ZFHX4: variants seen among roughly 807,000 people sequenced by gnomAD.
The protein encoded by ZFHX4 is zinc finger homeobox protein 4.
ZFHX4 carries 56 observed loss-of-function variants against 267.6 expected under a neutral mutation model. That is an observed-to-expected ratio of 0.21 (90% CI 0.17 to 0.26). The LOEUF (loss-of-function observed/expected upper bound fraction) is 0.26. ZFHX4 is among the 10% of genes least tolerant of loss of function. The pLI is 1.00. For synonymous variants in ZFHX4, 1,778 were observed against 1,665.6 expected, an observed-to-expected ratio of 1.07 and a Z score of -1.64; for missense variants, 4,332 against 4,420.0, an observed-to-expected ratio of 0.98 and a Z score of 0.56.
chr8:76,793,575 A>G (rs866427456), intron 4 of ZFHX4, among the ~76,000 whole-genome samples: 3 of 152,284 alleles, frequency 2.0e-5, no homozygotes, highest in Non-Finnish European at 1.5e-5. Flanking sequence ...GAATTTGGGG[A>G]TGTATATTGG....
intron 1 of ZFHX4, among the ~76,000 whole-genome samples, chr8:76,681,923 T>C (rs1452271965): frequency 1.1e-4 from 16 of 152,102 alleles, no homozygotes; most frequent in Non-Finnish European, 1.5e-5. Context: ...CCACTTTCTT[T>C]AGGGGGGCTG....
At chr8:76,723,794 G>A (rs934213125) in intron 3 of ZFHX4, among the ~76,000 whole-genome samples, 2 of 151,880 alleles carry the variant, frequency 1.3e-5, no homozygotes, top group African/African-American at 4.8e-5. Flanking sequence ...TATTTTTGAC[G>A]TGGAACATTT....
At chr8:76,697,668 T>C (rs1028825789) in intron 1 of ZFHX4, among the ~76,000 whole-genome samples, 3 of 152,000 alleles carry the variant, frequency 2.0e-5, no homozygotes, top group Admixed American at 6.6e-5. Context: ...AGGGGGTCTG[T>C]GAAAGAAAAA....
chr8:76,841,792 C>A (rs888590445), intron 5 of ZFHX4, among the ~76,000 whole-genome samples: 4 of 152,108 alleles, frequency 2.6e-5, no homozygotes, highest in Admixed American at 1.3e-4. Flanking sequence ...GCCTGGTTAT[C>A]TGGCATTACT....
chr8:76,859,862 G>T (rs1005629476), intron 10 of ZFHX4, among the ~76,000 whole-genome samples: 1 of 152,076 alleles, frequency 6.6e-6, no homozygotes, highest in Non-Finnish European at 1.5e-5. Context: ...AGTGCGTTAA[G>T]AAGCAGGCAT....
chr8:76,796,923 C>G lies in ZFHX4; in HGVS notation c.3325+18484C>G, dbSNP rs559720976. ...CACAGGTTCCTTGAATGATTTCTAA[C>G]TAAGGCTAAAATGTCCAAGTATTGG... On this transcript the variant is annotated intron_variant, in intron 4 of 10. Transcript: ENST00000651372. 2.0e-4 allele frequency among the ~76,000 whole-genome samples: 30 copies of G among 152,226 alleles called. No homozygotes were observed. In the South Asian group the frequency reaches 6.0e-3, roughly 31 times the overall value.
intron 3 of ZFHX4, among the ~76,000 whole-genome samples, chr8:76,732,124 G>T (rs992993477): frequency 2.0e-5 from 3 of 152,098 alleles, no homozygotes; most frequent in African/African-American, 7.2e-5. Context: ...TTACAGGCAT[G>T]AGCCACCACA....
Position 76,854,074 on chromosome 8 carries a change from T to C in ZFHX4, c.7153T>C (p.Ser2385Pro), listed in dbSNP as rs1463178984. ...TGCTGCCCCTGCAGCAAGTTCTGGC[T>C]CTGGGACCAGCACCCCCCTGATTCC... ...NAAAPAASSG[S>P]GTSTPLIPSP... The change falls in exon 10 of 11, where the codon TCT (serine) becomes CCT (proline). Residue 2385 changes from serine to proline, a missense_variant. By Grantham distance (74) the Ser-to-Pro change is moderately conservative (BLOSUM62 -1). Coordinates refer to ENST00000651372, the MANE Select transcript of ZFHX4 (RefSeq NM_024721.5). 2.5e-6 allele frequency: 4 copies of C among 1,613,814 alleles called. No homozygotes were observed. The African/African-American group carries it at 4.0e-5, about 16-fold the overall frequency.
intron 3 of ZFHX4, among the ~76,000 whole-genome samples, chr8:76,755,731 T>C (rs1343791055): frequency 6.6e-6 from 1 of 152,206 alleles, no homozygotes; most frequent in Admixed American, 6.5e-5. Flanking sequence ...CATTATTAGT[T>C]AGTTGTATTT....
At chr8:76,688,409 TA>T (rs1807745836) in intron 1 of ZFHX4, among the ~76,000 whole-genome samples, 1 of 152,036 alleles carries the variant, frequency 6.6e-6, no homozygotes, top group Non-Finnish European at 1.5e-5. Context: ...GAGAAGAGGG[TA>T]CTGATGTATT....
At chr8:76,771,471 C>G (rs1049791930) in intron 3 of ZFHX4, among the ~76,000 whole-genome samples, 1 of 151,982 alleles carries the variant, frequency 6.6e-6, no homozygotes, top group Non-Finnish European at 1.5e-5. Context: ...TAAGATCTTA[C>G]TCTGTTGCCC....
At position 76,851,809 on chromosome 8, in the gene ZFHX4, G is replaced by C. The variant is rs1206212858; in HGVS notation, c.4888G>C (p.Gly1630Arg). 1 of 1,613,952 alleles carries C rather than the reference G, an allele frequency of 6.2e-7. No individual in the cohort carries two copies. Among genetic ancestry groups the C allele is most frequent in the East Asian group, 2.2e-5 (1 of 44,852 alleles). Residue 1630 changes from glycine (G) to arginine (R), a missense_variant, in exon 10 of 11, where the codon GGT becomes CGT. Transcript: ENST00000651372. ...KARAAKLEPS[G>R]HVAGGHSIAA... ...TAGGGCTGCAAAGCTGGAGCCCAGT[G>C]GTCATGTGGCTGGTGGGCACAGCAT... is the stretch of plus-strand genomic sequence containing the variant.
intron 4 of ZFHX4, among the ~76,000 whole-genome samples, chr8:76,778,770 T>C (rs1421039240): frequency 6.6e-6 from 1 of 152,172 alleles, no homozygotes; most frequent in Non-Finnish European, 1.5e-5. Context: ...CCAAAGCAAT[T>C]TGGCTTTCAT....
intron 1 of ZFHX4, among the ~76,000 whole-genome samples, chr8:76,686,655 A>G (rs1305180239): frequency 6.6e-6 from 1 of 152,156 alleles, no homozygotes; most frequent in Non-Finnish European, 1.5e-5. Context: ...TTGTCAAACC[A>G]TGTTCATCTC....
At chr8:76,751,523 C>T (rs1809613406) in intron 3 of ZFHX4, among the ~76,000 whole-genome samples, 1 of 152,116 alleles carries the variant, frequency 6.6e-6, no homozygotes, top group Admixed American at 6.6e-5. Flanking sequence ...AACCTATTTG[C>T]CATCTTTATG....
chr8:76,699,468 A>T lies in ZFHX4; in HGVS notation c.-46-4575A>T, dbSNP rs1037151663. 5.9e-5 allele frequency among the ~76,000 whole-genome samples: 9 copies of T among 152,190 alleles called. 1 individual carries two copies. The highest frequency in any genetic ancestry group is 6.3e-3 in the Middle Eastern group (2 of 316). On this transcript the variant is annotated intron_variant, in intron 1 of 10. Transcript: ENST00000651372. ...AATAGCAGAGTAAGGTGAATTAAAG[A>T]GAAACACTAGCACCAACTTAAGACT...
chr8:76,840,825 C>T (rs1261732000), intron 5 of ZFHX4, among the ~76,000 whole-genome samples: 1 of 152,158 alleles, frequency 6.6e-6, no homozygotes, highest in Non-Finnish European at 1.5e-5. Flanking sequence ...GGACACAGCC[C>T]AATCCAGTTG....
intron 3 of ZFHX4, among the ~76,000 whole-genome samples, chr8:76,732,048 G>C (rs1294751739): frequency 1.3e-5 from 2 of 151,896 alleles, no homozygotes; most frequent in East Asian, 3.9e-4. Flanking sequence ...CACCATGTTG[G>C]CCAGGCTGGT....
intron 3 of ZFHX4, among the ~76,000 whole-genome samples, chr8:76,729,618 T>G (rs2131658382): frequency 6.6e-6 from 1 of 152,306 alleles, no homozygotes; most frequent in East Asian, 1.9e-4. Flanking sequence ...ACTCTGCCTC[T>G]TACAGTGGTC....
Sources: allele counts gnomAD v4.1 joint callset (sites outside exome capture counted in the v4.1 genomes callset), GRCh38; gene constraint gnomAD v4.1.1; transcripts MANE v1.5; gene names NCBI Gene and HGNC (gene_info 2026-07-23, HGNC 2026-07-21).